CADM2: variants seen among roughly 807,000 people sequenced by gnomAD.
CADM2 encodes the protein immunoglobulin superfamily member 4D.
CADM2 carries 12 observed loss-of-function variants against 49.8 expected under a neutral mutation model. The ratio of observed to expected loss-of-function variants is 0.24; its 90% CI spans 0.15 to 0.39. CADM2 has a LOEUF of 0.39. Ranked by LOEUF, CADM2 falls within the 10% of genes least tolerant of loss-of-function variation. CADM2 has a pLI of 1.00. For missense variants in CADM2, 378 were observed against 492.3 expected, an observed-to-expected ratio of 0.77 and a Z score of 2.20; for synonymous variants, 214 against 175.4, an observed-to-expected ratio of 1.22 and a Z score of -1.74.
chr3:85,360,967 A>G (rs1243082375), intron 1 of CADM2, among the ~76,000 whole-genome samples: 1 of 152,166 alleles, frequency 6.6e-6, no homozygotes, highest in Non-Finnish European at 1.5e-5. Flanking sequence ...TGCCACCTGC[A>G]GGTTTACTTC....
intron 1 of CADM2, among the ~76,000 whole-genome samples, chr3:85,118,051 T>C (rs942732279): frequency 6.6e-6 from 1 of 152,116 alleles, no homozygotes; most frequent in Non-Finnish European, 1.5e-5. Context: ...CTTCGAACTC[T>C]TCCCTGTACT....
At chr3:84,982,570 G>A in intron 1 of CADM2, among the ~76,000 whole-genome samples, 1 of 150,848 alleles carries the variant, frequency 6.6e-6, no homozygotes, top group East Asian at 1.9e-4. Context: ...CTAGAGATAT[G>A]AAACCAATAA....
chr3:85,445,028 A>T (rs891051495), intron 1 of CADM2, among the ~76,000 whole-genome samples: 7 of 152,096 alleles, frequency 4.6e-5, no homozygotes, highest in Non-Finnish European at 7.4e-5. Context: ...CAATGTCATC[A>T]TTATCATGAT....
chr3:85,815,390 A>G (rs1407137251), intron 3 of CADM2, among the ~76,000 whole-genome samples: 1 of 152,182 alleles, frequency 6.6e-6, no homozygotes, highest in Non-Finnish European at 1.5e-5. Flanking sequence ...CAAAAAGCTT[A>G]TCCACCATGA....
intron 5 of CADM2, among the ~76,000 whole-genome samples, chr3:85,892,270 A>C (rs1256688627): frequency 6.6e-6 from 1 of 152,234 alleles, no homozygotes; most frequent in Non-Finnish European, 1.5e-5. Context: ...AGCAAGCATT[A>C]AGATTATAAA....
intron 1 of CADM2, among the ~76,000 whole-genome samples, chr3:85,013,558 A>G (rs2034097866): frequency 6.6e-6 from 1 of 151,778 alleles, no homozygotes; most frequent in African/African-American, 2.4e-5. Flanking sequence ...GTTTATTTTG[A>G]GGATACTGTA....
At chr3:85,623,307 A>G (rs745834224) in intron 1 of CADM2, among the ~76,000 whole-genome samples, 1 of 152,190 alleles carries the variant, frequency 6.6e-6, no homozygotes, top group African/African-American at 2.4e-5. Flanking sequence ...TATTGAAGGT[A>G]TGTGCCTTTT....
intron 1 of CADM2, among the ~76,000 whole-genome samples, chr3:85,502,604 A>C (rs1465021125): frequency 6.6e-6 from 1 of 152,150 alleles, no homozygotes; most frequent in African/African-American, 2.4e-5. Flanking sequence ...TTTCAACAGG[A>C]GTGACAGCAG....
At chr3:85,339,251 C>A (rs1333849392) in intron 1 of CADM2, among the ~76,000 whole-genome samples, 1 of 151,374 alleles carries the variant, frequency 6.6e-6, no homozygotes, top group Non-Finnish European at 1.5e-5. Context: ...AAAAGTACTG[C>A]AGGTAAATTA....
At position 85,989,736 on chromosome 3, in the gene CADM2, G is replaced by A. The variant is rs371297527; in HGVS notation, c.970+28089G>A. Among the ~76,000 whole-genome samples the A allele has an allele frequency of 8.0e-4, 121 of 152,074 alleles. 3 individuals carry two copies. The East Asian group carries it at 0.02, about 25-fold the overall frequency. On this transcript the variant is annotated intron_variant, in intron 8 of 9. Transcript: ENST00000383699. ...GTCTATAATAGAAAACTAGTGGCTG[G>A]GCGCGGTGGCTCACGCCTTTAATCC...
chr3:85,074,950 A>C (rs1225050635), intron 1 of CADM2, among the ~76,000 whole-genome samples: 1 of 152,108 alleles, frequency 6.6e-6, no homozygotes, highest in Non-Finnish European at 1.5e-5. Context: ...AAATTTGAAT[A>C]AACCAATCCA....
At chr3:86,042,625 T>G (rs1402665489) in intron 8 of CADM2, among the ~76,000 whole-genome samples, 2 of 152,076 alleles carry the variant, frequency 1.3e-5, no homozygotes, top group African/African-American at 4.8e-5. Context: ...ACCAGATGGA[T>G]TCACAGCTGA....
intron 1 of CADM2, among the ~76,000 whole-genome samples, chr3:85,553,122 T>A (rs1054198375): frequency 2.6e-5 from 4 of 152,108 alleles, no homozygotes; most frequent in Non-Finnish European, 5.9e-5. Flanking sequence ...TAAAAAATAC[T>A]AGGGGTCTCT....
intron 1 of CADM2, among the ~76,000 whole-genome samples, chr3:85,336,701 G>A (rs987103156): frequency 6.7e-6 from 1 of 149,550 alleles, no homozygotes; most frequent in African/African-American, 2.4e-5. Context: ...GTTACTAAGT[G>A]GTCAATATAA....
chr3:85,739,660 A>T (rs6785531), intron 2 of CADM2, among the ~76,000 whole-genome samples: 79,823 of 151,306 alleles, frequency 0.53, 21,753 homozygotes, highest in African/African-American at 0.68. Flanking sequence ...TCCTATGTTG[A>T]AAGATAATAA....
chr3:85,575,038 C>T (rs774764055), intron 1 of CADM2, among the ~76,000 whole-genome samples: 5 of 151,996 alleles, frequency 3.3e-5, no homozygotes, highest in Admixed American at 6.6e-5. Context: ...AATATTTAGG[C>T]ATGTAATAGT....
At chr3:85,193,805 G>T (rs1384082567) in intron 1 of CADM2, among the ~76,000 whole-genome samples, 2 of 151,988 alleles carry the variant, frequency 1.3e-5, no homozygotes, top group Non-Finnish European at 2.9e-5. Context: ...TGACATAAAG[G>T]ATCTTTTAAT....
intron 8 of CADM2, among the ~76,000 whole-genome samples, chr3:85,970,641 C>G (rs1559774389): frequency 6.6e-6 from 1 of 151,344 alleles, no homozygotes; most frequent in Non-Finnish European, 1.5e-5. Context: ...CATTTGGATT[C>G]ACGTTATTAC....
chr3:85,920,164 G>T (rs544386160), intron 6 of CADM2, among the ~76,000 whole-genome samples: 51 of 151,886 alleles, frequency 3.4e-4, no homozygotes, highest in African/African-American at 1.2e-3. Context: ...CAGCTTATCA[G>T]ATAGGAAGAC....
Sources: allele counts gnomAD v4.1 joint callset (sites outside exome capture counted in the v4.1 genomes callset), GRCh38; gene constraint gnomAD v4.1.1; transcripts MANE v1.5; gene names NCBI Gene and HGNC (gene_info 2026-07-23, HGNC 2026-07-21).